HHAT: variants seen among roughly 807,000 people sequenced by gnomAD.
HHAT encodes the protein protein-cysteine N-palmitoyltransferase HHAT.
A neutral mutation model predicts 70.8 loss-of-function variants in HHAT; 47 were observed. The ratio of observed to expected loss-of-function variants is 0.66; its 90% confidence interval spans 0.53 to 0.85. The LOEUF (loss-of-function observed/expected upper bound fraction) is 0.85, where lower values mean the gene tolerates loss of function less well. Ranked by LOEUF, HHAT falls within the 40% of genes least tolerant of loss-of-function variation. The pLI, the probability that HHAT is intolerant of heterozygous loss-of-function variation, is 0.00. For synonymous variants in HHAT, 228 were observed against 247.6 expected (o/e 0.92, Z 0.74); for missense variants, 609 against 604.8 (o/e 1.01, Z -0.07).
intron 7 of HHAT, among the ~76,000 whole-genome samples, chr1:210,440,711 A>G (rs1321269333): frequency 6.6e-6 from 1 of 151,774 alleles, no homozygotes; most frequent in African/African-American, 2.4e-5. Context: ...TTTGATGAAC[A>G]ATTTCAACAC....
chr1:210,602,199 A>G (rs1664440130), intron 10 of HHAT, among the ~76,000 whole-genome samples: 1 of 152,134 alleles, frequency 6.6e-6, no homozygotes, highest in African/African-American at 2.4e-5. Flanking sequence ...GTGAGAAAAG[A>G]AAGCTGTGAG....
intron 4 of HHAT, among the ~76,000 whole-genome samples, chr1:210,390,716 G>A (rs751816905): frequency 6.6e-6 from 1 of 152,094 alleles, no homozygotes; most frequent in Non-Finnish European, 1.5e-5. Context: ...CGTCTTCATA[G>A]CTTACCTCCT....
chr1:210,478,240 A>G (rs1036974121), intron 8 of HHAT, among the ~76,000 whole-genome samples: 1 of 152,070 alleles, frequency 6.6e-6, no homozygotes, highest in Non-Finnish European at 1.5e-5. Context: ...TGTGTGTTTC[A>G]TTTTCTATTA....
chr1:210,603,209 A>C (rs1664673046), intron 10 of HHAT, among the ~76,000 whole-genome samples: 1 of 152,082 alleles, frequency 6.6e-6, no homozygotes, highest in Admixed American at 6.5e-5. Flanking sequence ...TCCCTGCTTA[A>C]TGCAAACTCT....
Position 210,329,086 on chromosome 1 carries a change from C to T in HHAT, c.-62C>T. The T allele has an allele frequency of 2.1e-6, 3 of 1,417,582 alleles. No homozygotes were observed. Among genetic ancestry groups the T allele is most frequent in the Non-Finnish European group, 2.8e-6 (3 of 1,084,736 alleles). 87.8% of individuals were successfully genotyped at this position (1,417,582 alleles called of 1,614,324 possible). Reference sequence around the variant, plus strand: ...CGCGCGTGAACGTTGCCGTCGCCGCCGCCCGGGACAGCCCGGAGGTTGGTA... The same window carrying T: ...CGCGCGTGAACGTTGCCGTCGCCGCTGCCCGGGACAGCCCGGAGGTTGGTA... On this transcript the variant is annotated 5_prime_UTR_variant, in exon 1 of 12. Transcript: ENST00000261458.
chr1:210,529,245 C>T (rs891682611), intron 9 of HHAT, among the ~76,000 whole-genome samples: 1 of 149,864 alleles, frequency 6.7e-6, no homozygotes, highest in Admixed American at 6.7e-5. Flanking sequence ...GTAGAGGTTG[C>T]AGTGAGCAGA....
intron 9 of HHAT, among the ~76,000 whole-genome samples, chr1:210,544,367 GTTTTTTTTTTTTTTTT>G (rs569514246): frequency 6.7e-5 from 6 of 90,066 alleles, no homozygotes; most frequent in Non-Finnish European, 1.3e-4. Context: ...TCTTTCTTTC[GTTTTTTTTTTTTTTTT>G]TTTTTTTTGA....
intron 7 of HHAT, among the ~76,000 whole-genome samples, chr1:210,431,245 G>A (rs2093233472): frequency 1.3e-5 from 2 of 151,734 alleles, no homozygotes; most frequent in African/African-American, 4.9e-5. Flanking sequence ...TTGGAAATCT[G>A]GATTTATGTG....
At chr1:210,400,704 C>A (rs749353529) in intron 5 of HHAT, 42 bp downstream of exon 5, 2 of 1,573,598 alleles carry the variant, frequency 1.3e-6, no homozygotes, top group Non-Finnish European at 1.7e-6. Context: ...AGAGAAGGCC[C>A]CTTTGGCTTT....
chr1:210,659,551 C>A (rs1397911189), intron 11 of HHAT, among the ~76,000 whole-genome samples: 1 of 152,122 alleles, frequency 6.6e-6, no homozygotes, highest in Non-Finnish European at 1.5e-5. Context: ...AGAGGGAATC[C>A]CCCCTAACTC....
intron 2 of HHAT, among the ~76,000 whole-genome samples, chr1:210,361,337 C>T (rs1284273824): frequency 1.3e-5 from 2 of 152,208 alleles, no homozygotes; most frequent in African/African-American, 4.8e-5. Context: ...TGCGTGCACG[C>T]ACACACAATG....
At chr1:210,586,288 A>G (rs903715166) in intron 9 of HHAT, among the ~76,000 whole-genome samples, 1 of 152,022 alleles carries the variant, frequency 6.6e-6, no homozygotes, top group African/African-American at 2.4e-5. Flanking sequence ...AAAAAGTTTT[A>G]AATTAGCTGG....
intron 11 of HHAT, among the ~76,000 whole-genome samples, chr1:210,657,542 C>T (rs925677192): frequency 2.6e-5 from 4 of 152,166 alleles, no homozygotes; most frequent in African/African-American, 7.2e-5. Context: ...CTGCTGCCCC[C>T]GGGAACTTGG....
intron 9 of HHAT, among the ~76,000 whole-genome samples, chr1:210,539,534 C>G (rs1168239508): frequency 1.3e-5 from 2 of 152,126 alleles, no homozygotes; most frequent in African/African-American, 4.8e-5. Context: ...ATCTGGTAAA[C>G]AGGGATGAGG....
chr1:210,604,079 GT>G (rs1005164822), intron 10 of HHAT, among the ~76,000 whole-genome samples: 1 of 152,016 alleles, frequency 6.6e-6, no homozygotes, highest in African/African-American at 2.4e-5. Context: ...TGTTAAGATA[GT>G]TTTTTTGTTT....
chr1:210,333,267 T>C (rs2085159420), intron 1 of HHAT, among the ~76,000 whole-genome samples: 1 of 152,098 alleles, frequency 6.6e-6, no homozygotes, highest in Non-Finnish European at 1.5e-5. Context: ...TGCTAATTTG[T>C]ATTTGCAGCC....
intron 10 of HHAT, chr1:210,590,084 A>G (rs975001971): frequency 1.3e-5 from 2 of 152,052 alleles, no homozygotes; most frequent in African/African-American, 2.4e-5. Flanking sequence ...GTTTATCCCC[A>G]TTGTCTGAGT....
At chr1:210,377,448 C>T (rs557005387) in intron 3 of HHAT, among the ~76,000 whole-genome samples, 1 of 152,212 alleles carries the variant, frequency 6.6e-6, no homozygotes, top group East Asian at 1.9e-4. Context: ...CATTTGATTC[C>T]TTCTTTGCTG....
chr1:210,498,316 A>C (rs2094689696), intron 8 of HHAT, among the ~76,000 whole-genome samples: 1 of 152,228 alleles, frequency 6.6e-6, no homozygotes. Flanking sequence ...GAAACTTAAA[A>C]ATTTAAATGT....
Sources: allele counts gnomAD v4.1 joint callset (sites outside exome capture counted in the v4.1 genomes callset), GRCh38; gene constraint gnomAD v4.1.1; transcripts MANE v1.5; gene names NCBI Gene and HGNC (gene_info 2026-07-23, HGNC 2026-07-21).